Variants in CEP78 observed in about 807,000 individuals in gnomAD.
CEP78 encodes centrosomal protein 78.
In CEP78, 76 loss-of-function variants were observed where a neutral mutation model predicts 81.2. The observed-to-expected ratio is 0.94, with a 90% confidence interval of 0.78 to 1.13. The LOEUF is 1.13. Among genes scored for constraint, CEP78 ranks in the 50% most tolerant of loss-of-function variants. The pLI is 0.00. For missense variants in CEP78, 918 were observed against 846.8 expected (o/e 1.08, Z -1.04); for synonymous variants, 293 against 301.4 (o/e 0.97, Z 0.29).
chr9:78,266,405 G>T (rs1433302791), intron 15 of CEP78, 37 bp from the exon 16 acceptor site: 1 of 1,493,956 alleles, frequency 6.7e-7, no homozygotes. Context: ...GGATGGCTTT[G>T]TTTGTCACTA....
chr9:78,274,466 A>G lies in CEP78; in HGVS notation c.*3615A>G, dbSNP rs2118548428. On this transcript the variant is annotated 3_prime_UTR_variant, in exon 17 of 17. Coordinates refer to ENST00000643273, the MANE Select transcript of CEP78 (RefSeq NM_001330691.3). ...ATTTATAGAACTGCATACTCTCAAA[A>G]AAATTAGTTTTACTCTATAATAATA... is the stretch of plus-strand genomic sequence containing the variant. The G allele has an allele frequency of 6.6e-6, 1 of 152,264 alleles. No homozygotes were observed. The highest frequency in any genetic ancestry group is 2.4e-5 in the African/African-American group (1 of 41,498). 9.4% of individuals were successfully genotyped at this position (152,264 alleles called of 1,614,324 possible). A position where few individuals can be genotyped will look rare whatever the true frequency, so the allele number is the denominator to read the frequency against.
chr9:78,267,202 C>T, intron 16 of CEP78: 2 of 457,484 alleles, frequency 4.4e-6, no homozygotes, highest in South Asian at 1.8e-5. Context: ...CAATTGTTTA[C>T]TGAGGGGCTA....
chr9:78,267,840 C>A (rs547879903), intron 16 of CEP78, among the ~76,000 whole-genome samples: 2 of 152,106 alleles, frequency 1.3e-5, no homozygotes, highest in South Asian at 2.1e-4. Context: ...ATAGATAAGT[C>A]CTTTCCTACA....
In CEP78 at chr9:78,273,266, A is replaced by T. The variant is rs891361794; in HGVS notation, c.*2415A>T. On this transcript the variant is annotated 3_prime_UTR_variant, in exon 17 of 17. Coordinates refer to ENST00000643273, the MANE Select transcript of CEP78 (RefSeq NM_001330691.3). ...AAAATCTAAAACGCTGTCATAGATT[A>T]TAAAGAGATGAACAAAAATATACCA... 1.3e-5 allele frequency: 2 copies of T among 152,242 alleles called. No individual in the cohort carries two copies. The highest frequency in any genetic ancestry group is 6.5e-5 in the Admixed American group (1 of 15,286). The allele number at this position is 152,242 out of a possible 1,614,324, so 9.4% of individuals were successfully genotyped here. A position where few individuals can be genotyped will look rare whatever the true frequency, so the allele number is the denominator to read the frequency against.
chr9:78,258,903 C>T (rs1827153909), intron 11 of CEP78, among the ~76,000 whole-genome samples: 1 of 152,154 alleles, frequency 6.6e-6, no homozygotes, highest in African/African-American at 2.4e-5. Context: ...ACCCTGCTTA[C>T]ACCGGAAGTA....
rs1002260786 is a variant in CEP78, at chr9:78,279,359, T to C, written c.*8508T>C. ...TTGCCAAATAACCAGCTCTAATTTCTTTATACCAAAGCCAAACTTCACCTA... is the reference window on the plus strand; with the variant it reads ...TTGCCAAATAACCAGCTCTAATTTCCTTATACCAAAGCCAAACTTCACCTA... On this transcript the variant is annotated 3_prime_UTR_variant, in exon 17 of 17. Transcript: ENST00000643273. The C allele has an allele frequency of 6.6e-6, 1 of 152,220 alleles. No individual in the cohort carries two copies. The highest frequency in any genetic ancestry group is 2.4e-5 in the African/African-American group (1 of 41,452). 9.4% of individuals were successfully genotyped at this position (152,220 alleles called of 1,614,324 possible). A position where few individuals can be genotyped will look rare whatever the true frequency, so the allele number is the denominator to read the frequency against.
chr9:78,266,379 A>C (rs1827531165), intron 15 of CEP78, 63 bp from the exon 16 acceptor site: 2 of 1,253,652 alleles, frequency 1.6e-6, no homozygotes, highest in African/African-American at 3.0e-5. Flanking sequence ...TGACGTTTTG[A>C]ACTCGATTTT....
chr9:78,279,393 C>G lies in CEP78; in HGVS notation c.*8542C>G, dbSNP rs980818093. 1 of 152,246 alleles carries G rather than the reference C, an allele frequency of 6.6e-6. No individual in the cohort carries two copies. The highest frequency in any genetic ancestry group is 2.4e-5 in the African/African-American group (1 of 41,550). The allele number at this position is 152,246 out of a possible 1,614,324, so 9.4% of individuals were successfully genotyped here. Reference sequence around the variant, plus strand: ...AAGCCAAACTTCACCTAAATCTTACCTAAGAATTGAGTTCCTTATTGTAAC... The same window carrying G: ...AAGCCAAACTTCACCTAAATCTTACGTAAGAATTGAGTTCCTTATTGTAAC... On this transcript the variant is annotated 3_prime_UTR_variant, in exon 17 of 17. Transcript: ENST00000643273.
intron 11 of CEP78, among the ~76,000 whole-genome samples, chr9:78,260,088 G>T (rs1827205811): frequency 6.6e-6 from 1 of 152,186 alleles, no homozygotes; most frequent in African/African-American, 2.4e-5. Flanking sequence ...AAGTGGGAAG[G>T]TAAGTCAACA....
chr9:78,248,762 T>G lies in CEP78; in HGVS notation c.958T>G (p.Tyr320Asp). Reference sequence around the variant, plus strand: ...ATAGTGTTTATTCTGTCTCTTTTAGTACCAGTGGATAACTTCTCCATCAGT... The same window carrying G: ...ATAGTGTTTATTCTGTCTCTTTTAGGACCAGTGGATAACTTCTCCATCAGT... ...LQNGRSAKSEYQWITSPSVKE... is the reference protein window; with the variant it reads ...LQNGRSAKSEDQWITSPSVKE... The change falls in exon 8 of 17, where the codon TAC (tyrosine) becomes GAC (aspartate). Residue 320 changes from tyrosine to aspartate, a missense_variant and splice_region_variant. Tyr to Asp is a radical substitution (Grantham distance 160). Coordinates refer to ENST00000643273, the MANE Select transcript of CEP78 (RefSeq NM_001330691.3). 3 of 1,488,934 alleles carry G rather than the reference T, an allele frequency of 2.0e-6. No individual in the cohort carries two copies. The highest frequency in any genetic ancestry group is 2.8e-6 in the Non-Finnish European group (3 of 1,081,548). 92.2% of individuals were successfully genotyped at this position (1,488,934 alleles called of 1,614,324 possible).
intron 8 of CEP78, among the ~76,000 whole-genome samples, chr9:78,251,279 T>TA (rs771413402): frequency 3.9e-5 from 6 of 152,224 alleles, no homozygotes; most frequent in Non-Finnish European, 8.8e-5. Context: ...TGGACAGACT[T>TA]ATAGGCGGCA....
At chr9:78,236,926 A>G (rs1437149489) in intron 1 of CEP78, among the ~76,000 whole-genome samples, 1 of 147,606 alleles carries the variant, frequency 6.8e-6, no homozygotes, top group African/African-American at 2.5e-5. Context: ...TTTGCCTGAT[A>G]GAGAACTAAG....
At chr9:78,268,680 C>CT (rs1221969870) in intron 16 of CEP78, among the ~76,000 whole-genome samples, 1,465 of 130,650 alleles carry the variant, frequency 0.011, 16 homozygotes, top group South Asian at 0.021. Context: ...GGTTTCTTTT[C>CT]TTTTTTTTTT....
At chr9:78,255,409 C>CT (rs1323809650) in intron 11 of CEP78, among the ~76,000 whole-genome samples, 3 of 151,944 alleles carry the variant, frequency 2.0e-5, no homozygotes, top group African/African-American at 7.2e-5. Context: ...AGTAATTATC[C>CT]TTTTTTTATA....
At position 78,271,686 on chromosome 9, in the gene CEP78, G is replaced by A. The variant is rs934949062; in HGVS notation, c.*835G>A. 12 of 151,128 alleles carry A rather than the reference G, an allele frequency of 7.9e-5. No homozygotes were observed. Among genetic ancestry groups the A allele is most frequent in the African/African-American group, 1.2e-4 (5 of 41,214 alleles). 9.4% of individuals were successfully genotyped at this position (151,128 alleles called of 1,614,324 possible). On this transcript the variant is annotated 3_prime_UTR_variant, in exon 17 of 17. Transcript: ENST00000643273. ...CAAAATGAACAATGAACCCATTAAC[G>A]TGTGGTTTTGTTTTTTGGGTTTTTT...
rs750036614 is a variant in CEP78, at chr9:78,248,312, T to C, written c.914T>C (p.Val305Ala). 1 of 1,571,930 alleles carries C rather than the reference T, an allele frequency of 6.4e-7. No individual in the cohort carries two copies. Among genetic ancestry groups the C allele is most frequent in the South Asian group, 1.1e-5 (1 of 90,126 alleles). Residue 305 changes from valine to alanine, a missense_variant, in exon 7 of 17, where the codon GTT becomes GCT. Val to Ala is a moderately conservative substitution (Grantham distance 64, BLOSUM62 0). Transcript: ENST00000643273. ...TTAGATCATTCTATGATGAAAGCAG[T>C]TATCAAAAAAGTCCTCCAGAATGGA... ...PLIDHSMMKA[V>A]IKKVLQNGRS... is the part of the protein sequence containing the mutation.
At chr9:78,268,680 CTTTTTTTTTT>C (rs1221969870) in intron 16 of CEP78, among the ~76,000 whole-genome samples, 2 of 130,700 alleles carry the variant, frequency 1.5e-5, no homozygotes, top group African/African-American at 5.8e-5. Context: ...GGTTTCTTTT[CTTTTTTTTTT>C]TTTTTTTTTT....
At position 78,266,488 on chromosome 9, in the gene CEP78, C is replaced by T; in HGVS notation, c.1892C>T (p.Ser631Phe). 6 of 1,613,334 alleles carry T rather than the reference C, an allele frequency of 3.7e-6. No individual in the cohort carries two copies. The highest frequency in any genetic ancestry group is 5.1e-6 in the Non-Finnish European group (6 of 1,179,414). ...GCTAGAATTCCTTTGCCTCTCGACT[C>T]CTTTCCTGTCCCAGTTTCTACTCCA... ...GDARIPLPLD[S>F]FPVPVSTPEG... The change falls in exon 16 of 17, where the codon TCC becomes TTC. Residue 631 changes from serine to phenylalanine, a missense_variant. Coordinates refer to ENST00000643273, the MANE Select transcript of CEP78 (RefSeq NM_001330691.3).
intron 11 of CEP78, among the ~76,000 whole-genome samples, chr9:78,257,439 G>A (rs985497539): frequency 4.6e-5 from 7 of 152,108 alleles, no homozygotes; most frequent in African/African-American, 1.4e-4. Flanking sequence ...GCAAAATGAG[G>A]GTATAAACCA....
Sources: gnomAD v4.1 joint callset for allele counts (sites outside exome capture counted in the v4.1 genomes callset) on GRCh38, gnomAD v4.1.1 for gene constraint, MANE v1.5 for transcripts, NCBI Gene and HGNC (gene_info 2026-07-23, HGNC 2026-07-21) for gene names.